MALRD1: variants seen among roughly 807,000 people sequenced by gnomAD.
The protein encoded by MALRD1 is MAM and LDL-receptor class A domain-containing protein 1.
Under a neutral mutation model 242.1 loss-of-function variants are expected in MALRD1, and 247 were observed. That is an observed-to-expected ratio of 1.02 (90% CI 0.92 to 1.13). The LOEUF (loss-of-function observed/expected upper bound fraction) is 1.13. MALRD1 is among the 50% of genes most tolerant of loss of function. The pLI is 0.00. For missense variants in MALRD1, 2,989 were observed against 2,533.1 expected, an observed-to-expected ratio of 1.18 and a Z score of -3.86; for synonymous variants, 995 against 866.6, an observed-to-expected ratio of 1.15 and a Z score of -2.60.
At chr10:19,051,948 A>G (rs11008299) in intron 1 of MALRD1, 1 of 167,738 alleles carries the variant, frequency 6.0e-6, no homozygotes, top group South Asian at 9.6e-5. Flanking sequence ...AAAAAAAAAA[A>G]AAAAGGAAAG....
At chr10:19,345,496 A>G (rs1187201009) in intron 24 of MALRD1, among the ~76,000 whole-genome samples, 2 of 152,182 alleles carry the variant, frequency 1.3e-5, no homozygotes, top group Admixed American at 1.3e-4. Flanking sequence ...GTCCTTTGAA[A>G]GGATACTTAG....
At chr10:19,376,998 A>G (rs1588987199) in intron 26 of MALRD1, among the ~76,000 whole-genome samples, 1 of 152,354 alleles carries the variant, frequency 6.6e-6, no homozygotes, top group East Asian at 1.9e-4. Flanking sequence ...TAAAAGGAGA[A>G]TGATTAAGGT....
At position 19,087,899 on chromosome 10, in the gene MALRD1, G is replaced by C. The variant is rs1017497893; in HGVS notation, c.400G>C (p.Val134Leu). The C allele has an allele frequency of 4.1e-6, 5 of 1,233,192 alleles. No homozygotes were observed. In the African/African-American group the frequency reaches 7.8e-5, roughly 19 times the overall value. 76.4% of individuals were successfully genotyped at this position (1,233,192 alleles called of 1,614,324 possible). A position where few individuals can be genotyped will look rare whatever the true frequency, so the allele number is the denominator to read the frequency against. ...DSISSSLRSRVFLPTNDQHDC... is the reference protein window; with the variant it reads ...DSISSSLRSRLFLPTNDQHDC... The stretch of plus-strand genomic sequence containing the variant: ...TATTTCCTCAAGTTTAAGAAGCAGA[G>C]TTTTCCTTCCAACAAATGATCAACA... The change falls in exon 3 of 40, where the codon GTT becomes CTT. Residue 134 changes from valine to leucine, a missense_variant. Val to Leu is a conservative substitution (Grantham distance 32, BLOSUM62 1). Coordinates refer to ENST00000454679, the MANE Select transcript of MALRD1 (RefSeq NM_001142308.3).
At chr10:19,509,456 A>C (rs1398800451) in intron 31 of MALRD1, among the ~76,000 whole-genome samples, 3 of 152,154 alleles carry the variant, frequency 2.0e-5, no homozygotes, top group Admixed American at 2.0e-4. Flanking sequence ...TAGGAACTCA[A>C]AGTACAAAGA....
chr10:19,296,217 C>CTT (rs568000612), intron 21 of MALRD1, among the ~76,000 whole-genome samples: 175 of 152,190 alleles, frequency 1.1e-3, no homozygotes, highest in African/African-American at 3.9e-3. Flanking sequence ...ACTTTTTCAC[C>CTT]TGTTACCTTT....
rs117050302 is a variant in MALRD1 at position 19,301,035 on chromosome 10, G to A, written c.3419+17854G>A. 5.2e-3 allele frequency among the ~76,000 whole-genome samples: 786 copies of A among 151,828 alleles called. 6 individuals are homozygous for A. Among genetic ancestry groups the A allele is most frequent in the Non-Finnish European group, 8.2e-3 (555 of 67,792 alleles). ...CAAACACACAAAACCAAATAATCCC[G>A]TTAGAAAATGTGCAAAGGACATGAG... is the stretch of plus-strand genomic sequence containing the variant. On this transcript the variant is annotated intron_variant, in intron 21 of 39. Coordinates refer to ENST00000454679, the MANE Select transcript of MALRD1 (RefSeq NM_001142308.3).
rs150497176 is a variant in MALRD1 at position 19,146,225 on chromosome 10, C to A, written c.1439C>A (p.Ser480Ter). The change falls in exon 11 of 40, where the codon TCG becomes TAG. Residue 480 changes from serine (S) to a stop codon, truncating the protein, a stop_gained. Coordinates refer to ENST00000454679, the MANE Select transcript of MALRD1 (RefSeq NM_001142308.3). LOFTEE classifies it high-confidence loss of function. ...AAGCATCTCACCTGTGACTTTGAGT[C>A]GGGTTTCTGCGGTTGGGAGCCATTT... The part of the protein sequence containing the change: ...CSKHLTCDFE[S>*]GFCGWEPFLT... 1.1e-5 allele frequency: 14 copies of A among 1,231,572 alleles called. No homozygotes were observed. Among genetic ancestry groups the A allele is most frequent in the Non-Finnish European group, 1.4e-5 (14 of 987,908 alleles). 76.3% of individuals were successfully genotyped at this position (1,231,572 alleles called of 1,614,324 possible). A position where few individuals can be genotyped will look rare whatever the true frequency, so the allele number is the denominator to read the frequency against.
At chr10:19,622,442 C>T (rs1358722602) in intron 36 of MALRD1, among the ~76,000 whole-genome samples, 12 of 151,420 alleles carry the variant, frequency 7.9e-5, no homozygotes, top group Admixed American at 7.9e-4. Flanking sequence ...ATAATAAAAA[C>T]AATCCAGAAG....
intron 9 of MALRD1, among the ~76,000 whole-genome samples, chr10:19,135,229 A>G (rs1833288682): frequency 6.6e-6 from 1 of 152,152 alleles, no homozygotes; most frequent in Non-Finnish European, 1.5e-5. Context: ...ATTTTGTCTC[A>G]CTGCAGCTTC....
At chr10:19,256,656 C>T (rs1839527495) in intron 18 of MALRD1, among the ~76,000 whole-genome samples, 1 of 151,922 alleles carries the variant, frequency 6.6e-6, no homozygotes, top group African/African-American at 2.4e-5. Flanking sequence ...CCTGGTAGAC[C>T]TCAAGAAAGG....
intron 36 of MALRD1, among the ~76,000 whole-genome samples, chr10:19,617,672 G>A (rs574195388): frequency 6.6e-6 from 1 of 151,978 alleles, no homozygotes; most frequent in Non-Finnish European, 1.5e-5. Context: ...TAGTAGTAAG[G>A]TTTGTATCCC....
chr10:19,469,708 T>A (rs1280124034), intron 29 of MALRD1, among the ~76,000 whole-genome samples: 1 of 152,092 alleles, frequency 6.6e-6, no homozygotes, highest in Non-Finnish European at 1.5e-5. Flanking sequence ...TTGAACTGGG[T>A]TACATGCCAA....
At chr10:19,678,251 A>G (rs1302956642) in intron 36 of MALRD1, among the ~76,000 whole-genome samples, 1 of 152,136 alleles carries the variant, frequency 6.6e-6, no homozygotes, top group African/African-American at 2.4e-5. Flanking sequence ...TTTATAAATT[A>G]CTTTGCGCAG....
At chr10:19,712,823 A>G (rs909204169) in intron 38 of MALRD1, among the ~76,000 whole-genome samples, 2 of 152,170 alleles carry the variant, frequency 1.3e-5, no homozygotes, top group Non-Finnish European at 2.9e-5. Flanking sequence ...GACTATTTTT[A>G]GAAGAGATAG....
rs191286509 is a variant in MALRD1 at position 19,277,381 on chromosome 10, T to C, written c.3080-2666T>C. On this transcript the variant is annotated intron_variant, in intron 19 of 39. Transcript: ENST00000454679. ...CTATTTCCTTGGTCTTAATCTCTCA[T>C]GTAGACTGAGCTCTACCTGGTAGCC... is the stretch of plus-strand genomic sequence containing the variant. Among the ~76,000 whole-genome samples, 5 of 152,334 alleles carry C rather than the reference T, an allele frequency of 3.3e-5. No individual in the cohort carries two copies. The East Asian group carries it at 7.7e-4, about 24-fold the overall frequency.
intron 18 of MALRD1, among the ~76,000 whole-genome samples, chr10:19,254,946 T>C (rs1225919013): frequency 6.6e-6 from 1 of 152,036 alleles, no homozygotes; most frequent in East Asian, 1.9e-4. Context: ...CAATCGTTTT[T>C]ATATCATTTA....
In MALRD1 at chr10:19,347,946, G is replaced by C; in HGVS notation, c.4077G>C (p.Leu1359Phe). 6.5e-7 allele frequency: 1 copy of C among 1,550,302 alleles called. No homozygotes were observed. The change falls in exon 25 of 40, where the codon TTG becomes TTC. Residue 1359 changes from leucine (L) to phenylalanine (F), a missense_variant. By Grantham distance (22) the Leu-to-Phe change is conservative (BLOSUM62 0). Coordinates refer to ENST00000454679, the MANE Select transcript of MALRD1 (RefSeq NM_001142308.3). The stretch of plus-strand genomic sequence containing the variant: ...GTCATTACATCTTTATAAAGAGTTT[G>C]TTTCCTCAGCAGCCCATGAGAGCTG... ...SSGHYIFIKSLFPQQPMRAAR... is the reference protein window; with the variant it reads ...SSGHYIFIKSFFPQQPMRAAR...
At chr10:19,060,662 T>C (rs537454746) in intron 1 of MALRD1, among the ~76,000 whole-genome samples, 1 of 152,350 alleles carries the variant, frequency 6.6e-6, no homozygotes, top group East Asian at 1.9e-4. Flanking sequence ...AATTGGATAG[T>C]CTGTTTTTCC....
At chr10:19,461,856 A>G (rs1029014277) in intron 29 of MALRD1, among the ~76,000 whole-genome samples, 3 of 152,100 alleles carry the variant, frequency 2.0e-5, no homozygotes, top group Non-Finnish European at 2.9e-5. Context: ...CATCTATTTA[A>G]TTTCCCTTTC....
Sources: gnomAD v4.1 joint callset for allele counts (sites outside exome capture counted in the v4.1 genomes callset) on GRCh38, gnomAD v4.1.1 for gene constraint, MANE v1.5 for transcripts, NCBI Gene and HGNC (gene_info 2026-07-23, HGNC 2026-07-21) for gene names.